The following ATRNL1 variants were observed in gnomAD, a reference collection of about 807,000 sequenced individuals.
The protein encoded by ATRNL1 is attractin-like protein 1.
ATRNL1 carries 95 observed loss-of-function variants against 182.7 expected under a neutral mutation model. The observed-to-expected ratio is 0.52, with a 90% CI of 0.44 to 0.62. ATRNL1 has a LOEUF of 0.62. Ranked by LOEUF, ATRNL1 falls within the 20% of genes least tolerant of loss-of-function variation. The probability of loss-of-function intolerance (pLI) is 0.00; values close to 1 mark genes in which losing one functional copy is unlikely to be tolerated. For synonymous variants in ATRNL1, 576 were observed against 568.3 expected, an observed-to-expected ratio of 1.01 and a Z score of -0.19; for missense variants, 1,471 against 1,679.5, an observed-to-expected ratio of 0.88 and a Z score of 2.17.
At chr10:115,744,277 C>A (rs1162239375) in intron 27 of ATRNL1, among the ~76,000 whole-genome samples, 1 of 152,016 alleles carries the variant, frequency 6.6e-6, no homozygotes, top group African/African-American at 2.4e-5. Flanking sequence ...ATTTTGATGA[C>A]CTCATTCATT....
intron 7 of ATRNL1, among the ~76,000 whole-genome samples, chr10:115,168,990 A>G (rs1226593721): frequency 6.9e-6 from 1 of 143,886 alleles, no homozygotes; most frequent in African/African-American, 2.6e-5. Flanking sequence ...TAAGTTTTGT[A>G]TATAGTATGC....
At chr10:115,410,073 AC>A (rs1241029456) in intron 20 of ATRNL1, among the ~76,000 whole-genome samples, 7 of 151,840 alleles carry the variant, frequency 4.6e-5, no homozygotes, top group African/African-American at 1.7e-4. Context: ...CCAGGGATAA[AC>A]CCCACTTGAT....
chr10:115,761,400 A>G (rs892591469), intron 27 of ATRNL1, among the ~76,000 whole-genome samples: 1 of 152,302 alleles, frequency 6.6e-6, no homozygotes, highest in Middle Eastern at 3.4e-3. Context: ...CCAGTGCTCT[A>G]AGACCTCATT....
intron 28 of ATRNL1, among the ~76,000 whole-genome samples, chr10:115,876,110 G>C (rs561432785): frequency 2.6e-5 from 4 of 152,284 alleles, no homozygotes; most frequent in African/African-American, 9.6e-5. Context: ...AGATTACCCA[G>C]CTCAGAATCT....
At chr10:115,165,297 A>G (rs1431653361) in intron 6 of ATRNL1, among the ~76,000 whole-genome samples, 3 of 152,020 alleles carry the variant, frequency 2.0e-5, no homozygotes, top group Admixed American at 6.6e-5. Flanking sequence ...CAATTGGACA[A>G]TTAATTCCAG....
At chr10:115,939,842 C>G (rs782786617) in intron 28 of ATRNL1, among the ~76,000 whole-genome samples, 6 of 152,110 alleles carry the variant, frequency 3.9e-5, no homozygotes, top group African/African-American at 7.2e-5. Flanking sequence ...CCCAGAAGAC[C>G]TCTCACCAGG....
At chr10:115,172,672 C>T (rs1052811419) in intron 8 of ATRNL1, among the ~76,000 whole-genome samples, 28 of 152,056 alleles carry the variant, frequency 1.8e-4, no homozygotes, top group African/African-American at 6.7e-4. Flanking sequence ...TCTGACAATT[C>T]TTTGACCTTA....
chr10:115,874,271 A>G (rs950478917), intron 28 of ATRNL1, among the ~76,000 whole-genome samples: 34 of 152,270 alleles, frequency 2.2e-4, no homozygotes, highest in African/African-American at 7.9e-4. Context: ...GAGTCCTTTC[A>G]GCTTGAAGCT....
intron 24 of ATRNL1, among the ~76,000 whole-genome samples, chr10:115,495,863 T>C (rs1849524996): frequency 6.6e-6 from 1 of 152,110 alleles, no homozygotes. Context: ...GAGTTCAGGT[T>C]CGGAATATTT....
chr10:115,372,413 T>A (rs1857446412), intron 19 of ATRNL1, among the ~76,000 whole-genome samples: 1 of 152,186 alleles, frequency 6.6e-6, no homozygotes, highest in Non-Finnish European at 1.5e-5. Context: ...TTTTTAAGCT[T>A]TAATTATCTG....
intron 28 of ATRNL1, among the ~76,000 whole-genome samples, chr10:115,901,798 T>TA (rs1325513620): frequency 6.7e-6 from 1 of 149,658 alleles, no homozygotes; most frequent in Non-Finnish European, 1.5e-5. Context: ...CTAACAGTGC[T>TA]AAAAAACATC....
At chr10:115,599,984 C>T (rs1049536145) in intron 26 of ATRNL1, among the ~76,000 whole-genome samples, 1 of 152,074 alleles carries the variant, frequency 6.6e-6, no homozygotes, top group Non-Finnish European at 1.5e-5. Context: ...ATTCACTCCT[C>T]ACTCCCATCT....
chr10:115,409,532 C>T (rs561761727), intron 20 of ATRNL1, among the ~76,000 whole-genome samples: 3 of 152,252 alleles, frequency 2.0e-5, no homozygotes, highest in Non-Finnish European at 4.4e-5. Context: ...ATTTCACTTC[C>T]TCTTTTCCAA....
At chr10:115,479,857 G>A (rs1489862752) in intron 24 of ATRNL1, among the ~76,000 whole-genome samples, 1 of 151,234 alleles carries the variant, frequency 6.6e-6, no homozygotes. Flanking sequence ...TTGAACTTAA[G>A]TACTTTGTAT....
chr10:115,326,038 T>C (rs60482809), intron 18 of ATRNL1, among the ~76,000 whole-genome samples: 237 of 152,260 alleles, frequency 1.6e-3, no homozygotes, highest in African/African-American at 5.5e-3. Flanking sequence ...GTGAATTAAT[T>C]AGTGGTGTCA....
chr10:115,713,281 A>G (rs1451535593), intron 26 of ATRNL1, among the ~76,000 whole-genome samples: 20 of 152,212 alleles, frequency 1.3e-4, no homozygotes, highest in Non-Finnish European at 2.5e-4. Flanking sequence ...TTTATTGAAC[A>G]TCTTCTATCT....
rs570927697 is a variant in ATRNL1 at position 115,109,851 on chromosome 10, C to A, written c.294-10334C>A. 2.0e-5 allele frequency among the ~76,000 whole-genome samples: 3 copies of A among 152,318 alleles called. No individual in the cohort carries two copies. The East Asian group carries it at 5.8e-4, about 29-fold the overall frequency. Reference sequence around the variant, plus strand: ...GTTACAATTTGCACCTCACCATATTCACCTTTTAAAGATGTACAGTTCACT... The same window carrying A: ...GTTACAATTTGCACCTCACCATATTAACCTTTTAAAGATGTACAGTTCACT... On this transcript the variant is annotated intron_variant, in intron 1 of 28. Coordinates refer to ENST00000355044, the MANE Select transcript of ATRNL1 (RefSeq NM_207303.4).
chr10:115,324,964 T>C (rs1266219952), intron 18 of ATRNL1, among the ~76,000 whole-genome samples: 3 of 152,186 alleles, frequency 2.0e-5, no homozygotes, highest in Non-Finnish European at 2.9e-5. Context: ...TTTAAAGTGG[T>C]ATATGTGTTG....
chr10:115,836,657 A>G lies in ATRNL1; in HGVS notation c.3904-11220A>G, dbSNP rs1345094044. On this transcript the variant is annotated intron_variant, in intron 27 of 28. Transcript: ENST00000355044. ...TCCCGTGTGGCATCTCCTTGTATCA[A>G]AAGTAGGGCAGGCCTACCCTAATGG... 2.0e-5 allele frequency among the ~76,000 whole-genome samples: 3 copies of G among 152,202 alleles called. 1 individual carries two copies. The South Asian group carries it at 6.2e-4, about 32-fold the overall frequency.
Sources: allele counts gnomAD v4.1 joint callset (sites outside exome capture counted in the v4.1 genomes callset), GRCh38; gene constraint gnomAD v4.1.1; transcripts MANE v1.5; gene names NCBI Gene and HGNC (gene_info 2026-07-23, HGNC 2026-07-21).